The following CDH13 variants were observed in gnomAD, a reference collection of about 807,000 sequenced individuals.
CDH13 encodes the protein cadherin 13.
Under a neutral mutation model 63.8 loss-of-function variants are expected in CDH13, and 24 were observed. The ratio of observed to expected loss-of-function variants is 0.38; its 90% CI spans 0.27 to 0.53. The LOEUF (loss-of-function observed/expected upper bound fraction) is 0.53. CDH13 is among the 20% of genes least tolerant of loss of function. The pLI is 0.85. For synonymous variants in CDH13, 503 were observed against 355.3 expected (o/e 1.42, Z -4.67); for missense variants, 1,049 against 903.1 (o/e 1.16, Z -2.07).
intron 1 of CDH13, among the ~76,000 whole-genome samples, chr16:82,817,675 C>G (rs2037789496): frequency 6.6e-6 from 1 of 151,968 alleles, no homozygotes; most frequent in African/African-American, 2.4e-5. Flanking sequence ...TGTGGTGGTG[C>G]ACACCTGTAG....
At chr16:82,860,357 C>T (rs2039886303) in intron 2 of CDH13, among the ~76,000 whole-genome samples, 1 of 121,618 alleles carries the variant, frequency 8.2e-6, no homozygotes. Flanking sequence ...CCATACTGTA[C>T]ATTGCAGTAT....
chr16:83,065,731 A>ACG (rs2031957199), intron 3 of CDH13, among the ~76,000 whole-genome samples: 2 of 95,522 alleles, frequency 2.1e-5, no homozygotes, highest in East Asian at 2.1e-4. Flanking sequence ...CAAAAAAACA[A>ACG]AAAAAAAAAA....
intron 2 of CDH13, among the ~76,000 whole-genome samples, chr16:82,861,608 A>G (rs908349950): frequency 6.6e-6 from 1 of 151,964 alleles, no homozygotes; most frequent in African/African-American, 2.4e-5. Flanking sequence ...ATCTTTTTCT[A>G]CTTTAACTGT....
chr16:83,310,110 G>T (rs1019567), intron 5 of CDH13, among the ~76,000 whole-genome samples: 75,903 of 151,958 alleles, frequency 0.5, 19,053 homozygotes, highest in Non-Finnish European at 0.52. Context: ...CACATTTACT[G>T]TGCATTGGAA....
intron 4 of CDH13, among the ~76,000 whole-genome samples, chr16:83,203,660 T>TG (rs1597509667): frequency 1.3e-4 from 1 of 7,484 alleles, no homozygotes; most frequent in Non-Finnish European, 3.8e-4. Context: ...AGACTCCATC[T>TG]CAAAAAAAAA....
intron 8 of CDH13, among the ~76,000 whole-genome samples, chr16:83,632,872 T>G (rs1238858903): frequency 6.6e-6 from 1 of 151,548 alleles, no homozygotes; most frequent in Admixed American, 6.6e-5. Context: ...GGTGGATTAT[T>G]CTTGGGTTTT....
At chr16:83,686,909 A>C (rs936768597) in intron 10 of CDH13, among the ~76,000 whole-genome samples, 1 of 152,190 alleles carries the variant, frequency 6.6e-6, no homozygotes, top group Non-Finnish European at 1.5e-5. Flanking sequence ...ATTTTTCTGC[A>C]TTAAGTAGAC....
chr16:82,672,960 T>C (rs2150947381), intron 1 of CDH13, among the ~76,000 whole-genome samples: 1 of 148,990 alleles, frequency 6.7e-6, no homozygotes, highest in African/African-American at 2.5e-5. Flanking sequence ...GACCGCAGGA[T>C]TGCGTGCCAC....
chr16:83,702,338 C>G (rs1004938353), intron 10 of CDH13, among the ~76,000 whole-genome samples: 14 of 152,194 alleles, frequency 9.2e-5, no homozygotes, highest in African/African-American at 3.1e-4. Flanking sequence ...ATTGCTCACT[C>G]CTATTACAGT....
intron 7 of CDH13, among the ~76,000 whole-genome samples, chr16:83,579,668 T>C (rs1322143118): frequency 6.6e-6 from 1 of 152,106 alleles, no homozygotes; most frequent in Non-Finnish European, 1.5e-5. Context: ...ATCAATCATT[T>C]ATTTCATTCA....
intron 10 of CDH13, among the ~76,000 whole-genome samples, chr16:83,700,318 C>T (rs994541326): frequency 3.9e-5 from 6 of 152,164 alleles, no homozygotes; most frequent in African/African-American, 7.2e-5. Flanking sequence ...GTCCCCACCT[C>T]GAAAGAACTT....
At chr16:83,734,327 C>G (rs1297990322) in intron 10 of CDH13, among the ~76,000 whole-genome samples, 1 of 152,146 alleles carries the variant, frequency 6.6e-6, no homozygotes, top group African/African-American at 2.4e-5. Flanking sequence ...GGGAAGAAGG[C>G]TTTAATCGGG....
chr16:83,510,080 T>A (rs537670002), intron 7 of CDH13, among the ~76,000 whole-genome samples: 3 of 152,246 alleles, frequency 2.0e-5, no homozygotes, highest in Admixed American at 2.0e-4. Context: ...CTCAGCCCAG[T>A]AGCCCTGTGA....
At chr16:82,929,682 A>AAAAAAAAAAAAAAAAAAAC (rs2042420681) in intron 2 of CDH13, among the ~76,000 whole-genome samples, 1 of 142,992 alleles carries the variant, frequency 7.0e-6, no homozygotes, top group Non-Finnish European at 1.5e-5. Flanking sequence ...AAAAAAAAAA[A>AAAAAAAAAAAAAAAAAAAC]AGAAGACAGC....
intron 7 of CDH13, among the ~76,000 whole-genome samples, chr16:83,543,715 C>A (rs2075333732): frequency 6.6e-6 from 1 of 152,178 alleles, no homozygotes; most frequent in Non-Finnish European, 1.5e-5. Context: ...CATTCCCCAG[C>A]TGGGACCAGC....
intron 10 of CDH13, among the ~76,000 whole-genome samples, chr16:83,714,564 A>G (rs1318628115): frequency 2.0e-5 from 3 of 152,192 alleles, no homozygotes; most frequent in East Asian, 1.9e-4. Flanking sequence ...AACTAAAGCT[A>G]AAGACTTTTA....
chr16:83,228,544 G>A (rs1234603059), intron 5 of CDH13, among the ~76,000 whole-genome samples: 6 of 152,220 alleles, frequency 3.9e-5, no homozygotes, highest in African/African-American at 1.4e-4. Context: ...TCATGTTACA[G>A]GTTCAGCCTT....
At chr16:83,725,078 A>C (rs953144647) in intron 10 of CDH13, among the ~76,000 whole-genome samples, 1 of 152,224 alleles carries the variant, frequency 6.6e-6, no homozygotes, top group African/African-American at 2.4e-5. Context: ...CCCTTTTAGT[A>C]TAAAAGCTAT....
In CDH13 at chr16:83,085,209, G is replaced by A. The variant is rs193207713; in HGVS notation, c.367-40176G>A. 2.9e-3 allele frequency among the ~76,000 whole-genome samples: 442 copies of A among 152,078 alleles called. 3 individuals are homozygous for A. Among genetic ancestry groups the A allele is most frequent in the African/African-American group, 0.01 (418 of 41,482 alleles). ...CAAAAGGCACTTCTTTCTTGGTGGCGGCAAGGGAACATGAGAAAGAAGCAA... is the reference window on the plus strand; with the variant it reads ...CAAAAGGCACTTCTTTCTTGGTGGCAGCAAGGGAACATGAGAAAGAAGCAA... On this transcript the variant is annotated intron_variant, in intron 3 of 13. Transcript: ENST00000567109.
Sources: gnomAD v4.1 joint callset for allele counts (sites outside exome capture counted in the v4.1 genomes callset) on GRCh38, gnomAD v4.1.1 for gene constraint, MANE v1.5 for transcripts, NCBI Gene and HGNC (gene_info 2026-07-23, HGNC 2026-07-21) for gene names.